The following CDKAL1 variants were observed in gnomAD, a reference collection of about 807,000 sequenced individuals.
CDKAL1 encodes the protein CDKAL1 threonylcarbamoyladenosine tRNA methylthiotransferase.
A neutral mutation model predicts 68.2 loss-of-function variants in CDKAL1; 32 were observed. The observed-to-expected ratio is 0.47, with a 90% CI of 0.35 to 0.63. The LOEUF is 0.63. Ranked by LOEUF, CDKAL1 falls within the 30% of genes least tolerant of loss-of-function variation. The pLI is 0.00. For missense variants in CDKAL1, 606 were observed against 696.7 expected (o/e 0.87, Z 1.47); for synonymous variants, 234 against 244.3 (o/e 0.96, Z 0.39).
chr6:20,707,457 ATTC>A (rs1355564257), intron 5 of CDKAL1, among the ~76,000 whole-genome samples: 1 of 152,208 alleles, frequency 6.6e-6, no homozygotes, highest in Non-Finnish European at 1.5e-5. Flanking sequence ...AGGGTAGCCT[ATTC>A]TTATCTACAA....
intron 11 of CDKAL1, among the ~76,000 whole-genome samples, chr6:21,060,733 T>C (rs879332735): frequency 3.3e-5 from 5 of 152,128 alleles, no homozygotes; most frequent in Non-Finnish European, 7.4e-5. Flanking sequence ...AAGATATTTT[T>C]CTCCCCTACC....
At chr6:20,950,466 AC>A (rs1024126088) in intron 9 of CDKAL1, among the ~76,000 whole-genome samples, 1 of 152,088 alleles carries the variant, frequency 6.6e-6, no homozygotes, top group African/African-American at 2.4e-5. Flanking sequence ...AGAAGAAAGA[AC>A]CCCTAAAAAT....
At chr6:20,965,171 G>GT in intron 10 of CDKAL1, among the ~76,000 whole-genome samples, 1 of 152,076 alleles carries the variant, frequency 6.6e-6, no homozygotes, top group Non-Finnish European at 1.5e-5. Flanking sequence ...AATTAGCTTG[G>GT]TATGGTGGCA....
intron 4 of CDKAL1, among the ~76,000 whole-genome samples, chr6:20,620,854 A>G (rs1408697356): frequency 1.3e-5 from 2 of 152,110 alleles, no homozygotes; most frequent in East Asian, 3.8e-4. Flanking sequence ...CCTATTATTT[A>G]CATCTTATAT....
chr6:20,540,657 T>C (rs1272017075), intron 2 of CDKAL1, among the ~76,000 whole-genome samples: 1 of 152,036 alleles, frequency 6.6e-6, no homozygotes, highest in Non-Finnish European at 1.5e-5. Context: ...GGTGTCACCA[T>C]GTTGGCCAGG....
intron 9 of CDKAL1, among the ~76,000 whole-genome samples, chr6:20,922,349 T>C (rs1231720111): frequency 6.6e-6 from 1 of 152,190 alleles, no homozygotes; most frequent in African/African-American, 2.4e-5. Flanking sequence ...TTCTTCACCC[T>C]CTTACAGTAT....
At chr6:20,751,011 C>T (rs1187920872) in intron 6 of CDKAL1, among the ~76,000 whole-genome samples, 2 of 141,144 alleles carry the variant, frequency 1.4e-5, no homozygotes, top group African/African-American at 2.6e-5. Context: ...TCTCCTCCTC[C>T]CTAGTAGTGT....
At chr6:20,941,050 G>T (rs976546869) in intron 9 of CDKAL1, among the ~76,000 whole-genome samples, 1 of 151,074 alleles carries the variant, frequency 6.6e-6, no homozygotes, top group African/African-American at 2.4e-5. Flanking sequence ...ATGCGCCACT[G>T]CACTCTAGCC....
At chr6:20,696,271 A>G (rs2127809438) in intron 5 of CDKAL1, among the ~76,000 whole-genome samples, 1 of 152,262 alleles carries the variant, frequency 6.6e-6, no homozygotes, top group South Asian at 2.1e-4. Context: ...CTTTCCCACC[A>G]CATTTTTATA....
chr6:20,959,757 A>C (rs1301295923), intron 10 of CDKAL1, among the ~76,000 whole-genome samples: 1 of 152,044 alleles, frequency 6.6e-6, no homozygotes. Context: ...TTGCTAATGT[A>C]ATAACCTTTG....
intron 4 of CDKAL1, among the ~76,000 whole-genome samples, chr6:20,587,237 G>T (rs6938955): frequency 0.82 from 123,922 of 151,872 alleles, 51,004 homozygotes; most frequent in African/African-American, 0.93. Flanking sequence ...TCCACCTGCC[G>T]CAGCCTCCCA....
intron 13 of CDKAL1, chr6:21,135,659 G>A: frequency 1.0e-6 from 1 of 979,176 alleles, no homozygotes; most frequent in Non-Finnish European, 1.2e-6. Flanking sequence ...AGAAACTATT[G>A]GACTGTGCTT....
intron 8 of CDKAL1, among the ~76,000 whole-genome samples, chr6:20,784,920 A>G (rs1419537089): frequency 1.3e-5 from 2 of 152,140 alleles, no homozygotes; most frequent in Non-Finnish European, 2.9e-5. Context: ...AATTTTAAAA[A>G]TTTGCTTTAG....
At chr6:21,196,285 C>T (rs1206275556) in intron 13 of CDKAL1, among the ~76,000 whole-genome samples, 1 of 152,218 alleles carries the variant, frequency 6.6e-6, no homozygotes, top group Non-Finnish European at 1.5e-5. Flanking sequence ...GCAACTCACA[C>T]TGTGAAATGT....
At chr6:20,990,438 C>T (rs1458706313) in intron 10 of CDKAL1, among the ~76,000 whole-genome samples, 1 of 152,202 alleles carries the variant, frequency 6.6e-6, no homozygotes, top group Non-Finnish European at 1.5e-5. Context: ...AGTCCTTTTA[C>T]ATTTCTGTGA....
chr6:21,030,817 C>T (rs1417212938), intron 11 of CDKAL1, among the ~76,000 whole-genome samples: 1 of 152,108 alleles, frequency 6.6e-6, no homozygotes, highest in East Asian at 1.9e-4. Flanking sequence ...CTTATGCCAG[C>T]TGCTCTTTCT....
At position 20,840,963 on chromosome 6, in the gene CDKAL1, G is replaced by T. The variant is rs144926933; in HGVS notation, c.639-5112G>T. On this transcript the variant is annotated intron_variant, in intron 8 of 15. Transcript: ENST00000274695. ...CTAGACCACAGTATGGCTTTTCCAA[G>T]ATTTAGTTCTTGTTAAGGGCTTATT... Among the ~76,000 whole-genome samples the T allele has an allele frequency of 3.9e-4, 59 of 152,264 alleles. No individual in the cohort carries two copies. In the East Asian group the frequency reaches 6.6e-3, roughly 17 times the overall value.
intron 9 of CDKAL1, among the ~76,000 whole-genome samples, chr6:20,851,649 A>G (rs1369736569): frequency 6.6e-6 from 1 of 152,094 alleles, no homozygotes; most frequent in African/African-American, 2.4e-5. Flanking sequence ...TTAGGATGAA[A>G]TATTCAGAAC....
rs568815658 is a variant in CDKAL1 at position 20,545,208 on chromosome 6, A to G, written c.-5-1138A>G. Reference sequence around the variant, plus strand: ...TCATATTCCTTGGGTCCTGAGGTTCATAGCCAGTCTGCCTTATGCTTGTTT... The same window carrying G: ...TCATATTCCTTGGGTCCTGAGGTTCGTAGCCAGTCTGCCTTATGCTTGTTT... On this transcript the variant is annotated intron_variant, in intron 2 of 15. Coordinates refer to ENST00000274695, the MANE Select transcript of CDKAL1 (RefSeq NM_017774.3). Among the ~76,000 whole-genome samples, 4 of 152,048 alleles carry G rather than the reference A, an allele frequency of 2.6e-5. No homozygotes were observed. In the East Asian group the frequency reaches 7.8e-4, roughly 30 times the overall value.
Sources: allele counts gnomAD v4.1 joint callset (sites outside exome capture counted in the v4.1 genomes callset), GRCh38; gene constraint gnomAD v4.1.1; transcripts MANE v1.5; gene names NCBI Gene and HGNC (gene_info 2026-07-23, HGNC 2026-07-21).